PXK: variants seen among roughly 807,000 people sequenced by gnomAD.
The protein encoded by PXK is PX domain-containing protein kinase-like protein.
In PXK, 35 loss-of-function variants were observed where a neutral mutation model predicts 84.7. The ratio of observed to expected loss-of-function variants is 0.41; its 90% CI spans 0.32 to 0.55. The LOEUF (loss-of-function observed/expected upper bound fraction) is 0.55. Among genes scored for constraint, PXK ranks in the 20% least tolerant of loss-of-function variants. The probability of loss-of-function intolerance (pLI) is 0.21; values close to 1 mark genes in which losing one functional copy is unlikely to be tolerated. For synonymous variants in PXK, 253 were observed against 260.8 expected, an observed-to-expected ratio of 0.97 and a Z score of 0.29; for missense variants, 634 against 699.7, an observed-to-expected ratio of 0.91 and a Z score of 1.06.
At chr3:58,368,752 CAT>C (rs1229309827) in intron 2 of PXK, among the ~76,000 whole-genome samples, 13 of 152,234 alleles carry the variant, frequency 8.5e-5, no homozygotes, top group Admixed American at 1.3e-4. Context: ...TGCACATTAA[CAT>C]GTGAAAATCA....
chr3:58,385,674 T>C lies in PXK; in HGVS notation c.388+2974T>C, dbSNP rs2098544870. On this transcript the variant is annotated intron_variant, in intron 4 of 17. Coordinates refer to ENST00000356151, the MANE Select transcript of PXK (RefSeq NM_017771.5). This position sits in a 1 kb window ranked among gnomAD's most constrained non-coding sequence, Gnocchi z 5.1. ...CCACCATGCCCAGCTAATTTTTTCA[T>C]TGTTTGTAGAGAGGGGGTTTCACTA... Among the ~76,000 whole-genome samples the C allele has an allele frequency of 6.6e-6, 1 of 152,174 alleles. No individual in the cohort carries two copies. Among genetic ancestry groups the C allele is most frequent in the Non-Finnish European group, 1.5e-5 (1 of 68,032 alleles).
chr3:58,358,174 T>A (rs1277401675), intron 1 of PXK, among the ~76,000 whole-genome samples: 1 of 152,202 alleles, frequency 6.6e-6, no homozygotes, highest in Non-Finnish European at 1.5e-5. Context: ...AAATCCACTG[T>A]TTTAGTCATT....
chr3:58,409,510 T>TA lies in PXK; in HGVS notation c.1309-21dup, dbSNP rs201902090. ...GAAGCTGCCTTATGTGGGATATGCT[T>TA]ACATCTTATGGTCTTTTAAAGATTC... On this transcript the variant is annotated intron_variant, in intron 14 of 17. Coordinates refer to ENST00000356151, the MANE Select transcript of PXK (RefSeq NM_017771.5). This position sits in a 1 kb window ranked among gnomAD's most constrained non-coding sequence, Gnocchi z 4.2. The TA allele has an allele frequency of 1.7e-3, 2,776 of 1,605,086 alleles. 39 individuals carry two copies. The African/African-American group carries it at 0.031, about 18-fold the overall frequency.
At position 58,400,258 on chromosome 3, in the gene PXK, G is replaced by A. The variant is rs550301067; in HGVS notation, c.1181+881G>A. Reference sequence around the variant, plus strand: ...CTTAATATGTGCTCATTAAGTGTTAGTTATGCTTACTACTGAATCAGCTGA... The same window carrying A: ...CTTAATATGTGCTCATTAAGTGTTAATTATGCTTACTACTGAATCAGCTGA... On this transcript the variant is annotated intron_variant, in intron 12 of 17. Transcript: ENST00000356151. The surrounding 1 kb of genome is among the most constrained non-coding windows in gnomAD (Gnocchi z 4.0). Among the ~76,000 whole-genome samples the A allele has an allele frequency of 6.6e-6, 1 of 152,302 alleles. No homozygotes were observed. The highest frequency in any genetic ancestry group is 2.1e-4 in the South Asian group (1 of 4,832).
chr3:58,422,633 C>T (rs1003584515), intron 17 of PXK: 3 of 985,286 alleles, frequency 3.0e-6, no homozygotes, highest in Admixed American at 1.2e-4. Flanking sequence ...TGCGGTGGTG[C>T]ATTTGCACTT....
At position 58,365,948 on chromosome 3, in the gene PXK, T is replaced by TG. The variant is rs397989785; in HGVS notation, c.153+25dup. 28 of 1,542,254 alleles carry TG rather than the reference T, an allele frequency of 1.8e-5. No individual in the cohort carries two copies. In the East Asian group the frequency reaches 4.8e-4, roughly 27 times the overall value. On this transcript the variant is annotated intron_variant, in intron 2 of 17. Coordinates refer to ENST00000356151, the MANE Select transcript of PXK (RefSeq NM_017771.5). ...AGGTAAGCATCTTTTTTTTTTTTTT[T>TG]GTCAATTAGAAAAATATTTAAATGC... is the stretch of plus-strand genomic sequence containing the variant.
intron 1 of PXK, among the ~76,000 whole-genome samples, chr3:58,342,634 CAAAAAAAA>C (rs71091369): frequency 0.094 from 10,693 of 113,484 alleles, 560 homozygotes; most frequent in South Asian, 0.14. Flanking sequence ...GACTCTGTCT[CAAAAAAAA>C]AAAAAAAAAG....
chr3:58,385,710 G>A lies in PXK; in HGVS notation c.388+3010G>A, dbSNP rs1468519225. On this transcript the variant is annotated intron_variant, in intron 4 of 17. Coordinates refer to ENST00000356151, the MANE Select transcript of PXK (RefSeq NM_017771.5). The surrounding 1 kb of genome is among the most constrained non-coding windows in gnomAD (Gnocchi z 5.1). Reference sequence around the variant, plus strand: ...GAGGGGGTTTCACTATGTTGACTAGGCTGGTCTCAAACTCTTGAGCTCAAA... The same window carrying A: ...GAGGGGGTTTCACTATGTTGACTAGACTGGTCTCAAACTCTTGAGCTCAAA... Among the ~76,000 whole-genome samples, 2 of 152,134 alleles carry A rather than the reference G, an allele frequency of 1.3e-5. No individual in the cohort carries two copies. Among genetic ancestry groups the A allele is most frequent in the Non-Finnish European group, 2.9e-5 (2 of 68,028 alleles).
chr3:58,395,130 G>A (rs1304526573), intron 8 of PXK, 28 bp downstream of exon 8: 5 of 1,520,154 alleles, frequency 3.3e-6, no homozygotes, highest in Non-Finnish European at 3.6e-6. Flanking sequence ...TGGTCATAAG[G>A]AATTCTCAAG....
intron 17 of PXK, chr3:58,422,850 C>T (rs528770816): frequency 1.2e-5 from 12 of 985,324 alleles, no homozygotes; most frequent in East Asian, 1.1e-4. Flanking sequence ...CAAGTACCGC[C>T]GCAGCCGAGA....
In PXK at chr3:58,416,522, G is replaced by A. The variant is rs553721098; in HGVS notation, c.1528+3559G>A. Among the ~76,000 whole-genome samples, 37 of 152,246 alleles carry A rather than the reference G, an allele frequency of 2.4e-4. No individual in the cohort carries two copies. Among genetic ancestry groups the A allele is most frequent in the South Asian group, 4.1e-4 (2 of 4,822 alleles). ...CTTTCCTTCTTCTAGGGTATGGGGC[G>A]TGTGTAGGAGATGCTTGGCAAATCT... On this transcript the variant is annotated intron_variant, in intron 17 of 17. Transcript: ENST00000356151. The surrounding 1 kb of genome is among the most constrained non-coding windows in gnomAD (Gnocchi z 4.8).
chr3:58,416,364 T>C lies in PXK; in HGVS notation c.1528+3401T>C, dbSNP rs1466345593. ...ACATTTGGATTTTCCCTTATTTCCA[T>C]GCCTTGAGGTTTACAGGTCCCTAAA... is the stretch of plus-strand genomic sequence containing the variant. On this transcript the variant is annotated intron_variant, in intron 17 of 17. Transcript: ENST00000356151. This position sits in a 1 kb window ranked among gnomAD's most constrained non-coding sequence, Gnocchi z 4.8. Among the ~76,000 whole-genome samples, 1 of 152,226 alleles carries C rather than the reference T, an allele frequency of 6.6e-6. No individual in the cohort carries two copies. The highest frequency in any genetic ancestry group is 1.9e-4 in the East Asian group (1 of 5,188).
At chr3:58,408,045 G>T (rs950672177) in intron 13 of PXK, among the ~76,000 whole-genome samples, 2 of 152,106 alleles carry the variant, frequency 1.3e-5, no homozygotes, top group African/African-American at 4.8e-5. Flanking sequence ...GTTAATTTTT[G>T]TTTATGGTGT....
At chr3:58,359,025 C>A (rs1226787568) in intron 1 of PXK, among the ~76,000 whole-genome samples, 2 of 152,144 alleles carry the variant, frequency 1.3e-5, no homozygotes, top group Non-Finnish European at 2.9e-5. Flanking sequence ...TGTTGAGAAT[C>A]ATTTCCCCAG....
Position 58,386,320 on chromosome 3 carries a change from G to A in PXK, c.388+3620G>A, listed in dbSNP as rs985371781. 1.6e-3 allele frequency among the ~76,000 whole-genome samples: 126 copies of A among 80,426 alleles called. 2 individuals are homozygous for A. The highest frequency in any genetic ancestry group is 7.6e-3 in the African/African-American group (121 of 15,874). The allele number at this position is 80,426 out of a possible 152,430, so 52.8% of individuals were successfully genotyped here. ...TTTTTTTTTTTTTTTTTTTGAGACA[G>A]AATCTCACTCTGTTGGCCAGGCTGG... On this transcript the variant is annotated intron_variant, in intron 4 of 17. Transcript: ENST00000356151.
intron 1 of PXK, among the ~76,000 whole-genome samples, chr3:58,359,971 GA>G: frequency 6.6e-6 from 1 of 152,162 alleles, no homozygotes; most frequent in East Asian, 1.9e-4. Context: ...AACATACTGA[GA>G]CCCCGTTTCT....
intron 1 of PXK, among the ~76,000 whole-genome samples, chr3:58,334,084 T>TG (rs890114202): frequency 4.6e-5 from 7 of 152,244 alleles, no homozygotes; most frequent in South Asian, 2.1e-4. Context: ...GCAGTGTGTT[T>TG]GGGGGGTCAT....
rs994031313 is a variant in PXK at position 58,364,546 on chromosome 3, C to T, written c.103-1328C>T. Among the ~76,000 whole-genome samples, 6 of 152,088 alleles carry T rather than the reference C, an allele frequency of 3.9e-5. No homozygotes were observed. The highest frequency in any genetic ancestry group is 7.4e-5 in the Non-Finnish European group (5 of 67,992). On this transcript the variant is annotated intron_variant, in intron 1 of 17. Coordinates refer to ENST00000356151, the MANE Select transcript of PXK (RefSeq NM_017771.5). The surrounding 1 kb of genome is among the most constrained non-coding windows in gnomAD (Gnocchi z 4.3). ...GGCCAATATGGTGAAACCCCATCTC[C>T]GCTAAAAACACAAAAATTAGCCGGG...
chr3:58,363,991 C>G (rs1173855403), intron 1 of PXK, among the ~76,000 whole-genome samples: 2 of 152,226 alleles, frequency 1.3e-5, no homozygotes, highest in African/African-American at 4.8e-5. Context: ...TCATTTGATA[C>G]GATCACATGA....
Sources: gnomAD v4.1 joint callset for allele counts (sites outside exome capture counted in the v4.1 genomes callset) on GRCh38, gnomAD v4.1.1 for gene constraint, Gnocchi (gnomAD v3.1) non-coding constraint, MANE v1.5 for transcripts, NCBI Gene and HGNC (gene_info 2026-07-23, HGNC 2026-07-21) for gene names.